The following ATP2B2 variants were observed in gnomAD, a reference collection of about 807,000 sequenced individuals.
The protein encoded by ATP2B2 is plasma membrane calcium-transporting ATPase 2.
Under a neutral mutation model 120.0 loss-of-function variants are expected in ATP2B2, and 15 were observed. The observed-to-expected ratio is 0.12, with a 90% CI of 0.08 to 0.19. ATP2B2 has a LOEUF of 0.19. ATP2B2 is among the 10% of genes least tolerant of loss of function. ATP2B2 has a pLI of 1.00. For synonymous variants in ATP2B2, 694 were observed against 700.3 expected (o/e 0.99, Z 0.14); for missense variants, 1,045 against 1,719.8 (o/e 0.61, Z 6.94).
intron 1 of ATP2B2, among the ~76,000 whole-genome samples, chr3:10,683,125 T>C (rs1034081223): frequency 6.6e-6 from 1 of 151,828 alleles, no homozygotes; most frequent in African/African-American, 2.4e-5. Context: ...CCAGGGTTTT[T>C]TTTTTCTTTT....
At chr3:10,698,542 A>G (rs935579425) in intron 1 of ATP2B2, among the ~76,000 whole-genome samples, 4 of 152,188 alleles carry the variant, frequency 2.6e-5, no homozygotes, top group African/African-American at 9.7e-5. Context: ...TTTGACAATG[A>G]CCTGCAGAAC....
At chr3:10,533,602 C>G (rs533954332) in intron 3 of ATP2B2, among the ~76,000 whole-genome samples, 1 of 152,202 alleles carries the variant, frequency 6.6e-6, no homozygotes, top group Non-Finnish European at 1.5e-5. Context: ...CCAGCTCCAA[C>G]GCTTCATGTG....
At position 10,342,723 on chromosome 3, in the gene ATP2B2, G is replaced by A. The variant is rs1335829646; in HGVS notation, c.2917+29C>T. On this transcript the variant is annotated intron_variant, in intron 19 of 22. Coordinates refer to ENST00000360273, the MANE Select transcript of ATP2B2 (RefSeq NM_001001331.4). This position sits in a 1 kb window ranked among gnomAD's most constrained non-coding sequence, Gnocchi z 4.4. ...ACCCAGAAGGTGATGACCCCGCCTG[G>A]GAGAGGCGTGGGTGGGCGAGGCGCT... 4.3e-6 allele frequency: 7 copies of A among 1,611,336 alleles called. No homozygotes were observed. The highest frequency in any genetic ancestry group is 5.9e-6 in the Non-Finnish European group (7 of 1,177,804).
At chr3:10,526,615 G>A (rs2067099813) in intron 3 of ATP2B2, among the ~76,000 whole-genome samples, 1 of 152,160 alleles carries the variant, frequency 6.6e-6, no homozygotes, top group Admixed American at 6.5e-5. Flanking sequence ...GGCACCCCCA[G>A]ACCCATGCCC....
chr3:10,576,835 T>A, intron 2 of ATP2B2, among the ~76,000 whole-genome samples: 1 of 151,636 alleles, frequency 6.6e-6, no homozygotes, highest in East Asian at 1.9e-4. Flanking sequence ...GAGGCCAAGG[T>A]GGGCGGATCA....
At chr3:10,669,985 T>A (rs1018567601) in intron 1 of ATP2B2, among the ~76,000 whole-genome samples, 1 of 152,224 alleles carries the variant, frequency 6.6e-6, no homozygotes, top group African/African-American at 2.4e-5. Flanking sequence ...GTCAGGCATC[T>A]GGACTCAAAA....
chr3:10,494,828 C>T (rs573080029), intron 1 of ATP2B2, among the ~76,000 whole-genome samples: 4 of 152,136 alleles, frequency 2.6e-5, no homozygotes, highest in East Asian at 3.9e-4. Context: ...GTACATATCT[C>T]GAATCATCTC....
intron 12 of ATP2B2, among the ~76,000 whole-genome samples, chr3:10,366,651 G>A (rs2061067518): frequency 6.6e-6 from 1 of 152,220 alleles, no homozygotes; most frequent in African/African-American, 2.4e-5. Context: ...GGTGGTTCCA[G>A]TACACAGAAC....
chr3:10,492,742 G>T (rs896690961), intron 1 of ATP2B2, among the ~76,000 whole-genome samples: 1 of 152,272 alleles, frequency 6.6e-6, no homozygotes, highest in East Asian at 1.9e-4. Flanking sequence ...TCAAGGCGGG[G>T]GTTTCTAGGC....
rs2060347291 is a variant in ATP2B2, at chr3:10,343,591, C to T, written c.2704-626G>A. Among the ~76,000 whole-genome samples the T allele has an allele frequency of 6.6e-6, 1 of 152,172 alleles. No individual in the cohort carries two copies. Among genetic ancestry groups the T allele is most frequent in the African/African-American group, 2.4e-5 (1 of 41,428 alleles). ...GTCCAGGTTCTGGGAGGGACCCTTTCAGACCTGTCTCTTTGGCTGAGAGGA... is the reference window on the plus strand; with the variant it reads ...GTCCAGGTTCTGGGAGGGACCCTTTTAGACCTGTCTCTTTGGCTGAGAGGA... On this transcript the variant is annotated intron_variant, in intron 18 of 22. Transcript: ENST00000360273. The surrounding 1 kb of genome is among the most constrained non-coding windows in gnomAD (Gnocchi z 4.2).
chr3:10,517,761 GC>G (rs2125448875), intron 3 of ATP2B2, among the ~76,000 whole-genome samples: 1 of 152,354 alleles, frequency 6.6e-6, no homozygotes, highest in East Asian at 1.9e-4. Flanking sequence ...CTCGCACCAG[GC>G]AGTGACAGCT....
chr3:10,652,519 C>G (rs1031285837), intron 1 of ATP2B2, among the ~76,000 whole-genome samples: 4 of 152,134 alleles, frequency 2.6e-5, no homozygotes, highest in Non-Finnish European at 5.9e-5. Flanking sequence ...TGCATAAGTA[C>G]TGTATGTAGA....
At chr3:10,484,442 C>T (rs556575330) in intron 1 of ATP2B2, among the ~76,000 whole-genome samples, 2 of 152,066 alleles carry the variant, frequency 1.3e-5, no homozygotes, top group African/African-American at 2.4e-5. Context: ...AGTGTCTCCC[C>T]GTACCCCCAC....
At chr3:10,417,515 G>T (rs2062832357) in intron 2 of ATP2B2, among the ~76,000 whole-genome samples, 1 of 152,218 alleles carries the variant, frequency 6.6e-6, no homozygotes, top group Non-Finnish European at 1.5e-5. Context: ...CCCCACTCAA[G>T]ACTCAAGATC....
chr3:10,667,379 C>T (rs751620831), intron 1 of ATP2B2, among the ~76,000 whole-genome samples: 1 of 152,176 alleles, frequency 6.6e-6, no homozygotes, highest in Non-Finnish European at 1.5e-5. Context: ...TCTCTGGAGG[C>T]TGAGGGGGCT....
rs144141600 is a variant in ATP2B2 at position 10,413,900 on chromosome 3, G to A, written c.200-3085C>T. 3.0e-3 allele frequency among the ~76,000 whole-genome samples: 463 copies of A among 152,320 alleles called. 3 individuals carry two copies. The highest frequency in any genetic ancestry group is 0.01 in the African/African-American group (433 of 41,578). On this transcript the variant is annotated intron_variant, in intron 2 of 22. Transcript: ENST00000360273. Reference sequence around the variant, plus strand: ...GGAGAAGGGAGAGTTCAAGAGGGCCGTGGGCCTCTGAGGGAGGGGCTATGA... The same window carrying A: ...GGAGAAGGGAGAGTTCAAGAGGGCCATGGGCCTCTGAGGGAGGGGCTATGA...
intron 14 of ATP2B2, among the ~76,000 whole-genome samples, chr3:10,352,989 T>C (rs1229220875): frequency 6.6e-6 from 1 of 152,230 alleles, no homozygotes; most frequent in Non-Finnish European, 1.5e-5. Flanking sequence ...CCAGGTGTCC[T>C]CAACAGATGG....
intron 2 of ATP2B2, among the ~76,000 whole-genome samples, chr3:10,546,103 T>C (rs985770059): frequency 2.6e-5 from 4 of 152,354 alleles, no homozygotes; most frequent in Non-Finnish European, 1.5e-5. Flanking sequence ...TAAACGTGCA[T>C]GGAAGAAACC....
intron 2 of ATP2B2, among the ~76,000 whole-genome samples, chr3:10,573,018 G>A (rs762562985): frequency 6.6e-6 from 1 of 152,170 alleles, no homozygotes; most frequent in Admixed American, 6.5e-5. Flanking sequence ...GATTCCTGGT[G>A]CATCTCAAAT....
Sources: allele counts gnomAD v4.1 joint callset (sites outside exome capture counted in the v4.1 genomes callset), GRCh38; gene constraint gnomAD v4.1.1; non-coding constraint Gnocchi (gnomAD v3.1); transcripts MANE v1.5; gene names NCBI Gene and HGNC (gene_info 2026-07-23, HGNC 2026-07-21).